Variants in CDH18 observed in about 807,000 individuals in gnomAD.
CDH18 encodes cadherin 18.
In CDH18, 31 loss-of-function variants were observed where a neutral mutation model predicts 67.9. The ratio of observed to expected loss-of-function variants is 0.46; its 90% CI spans 0.34 to 0.62. The LOEUF (loss-of-function observed/expected upper bound fraction) is 0.62, where lower values mean the gene tolerates loss of function less well. Ranked by LOEUF, CDH18 falls within the 20% of genes least tolerant of loss-of-function variation. The pLI is 0.01. For synonymous variants in CDH18, 362 were observed against 347.2 expected (o/e 1.04, Z -0.48); for missense variants, 890 against 975.5 (o/e 0.91, Z 1.17).
rs187966500 is a variant in CDH18, at chr5:19,506,280, C to T, written c.1513-3171G>A. Among the ~76,000 whole-genome samples the T allele has an allele frequency of 8.9e-3, 1,357 of 152,200 alleles. 18 individuals are homozygous for T. The highest frequency in any genetic ancestry group is 0.031 in the African/African-American group (1,273 of 41,538). ...AATAGGATACAAACAAATGGAAGAA[C>T]ATTCCATGCTCATGGGTAGGAAGAA... On this transcript the variant is annotated intron_variant, in intron 10 of 12. Transcript: ENST00000382275.
At chr5:19,877,323 T>C (rs908609208) in intron 2 of CDH18, among the ~76,000 whole-genome samples, 1 of 152,206 alleles carries the variant, frequency 6.6e-6, no homozygotes, top group Non-Finnish European at 1.5e-5. Flanking sequence ...AACTGTACTT[T>C]ACAGTATGCT....
intron 1 of CDH18, among the ~76,000 whole-genome samples, chr5:20,272,272 T>C (rs916859063): frequency 6.6e-6 from 1 of 152,024 alleles, no homozygotes; most frequent in Non-Finnish European, 1.5e-5. Flanking sequence ...GTAATTGTAA[T>C]GAGAGCAGTA....
chr5:19,704,290 T>G (rs1763658935), intron 5 of CDH18, among the ~76,000 whole-genome samples: 1 of 152,222 alleles, frequency 6.6e-6, no homozygotes, highest in Non-Finnish European at 1.5e-5. Flanking sequence ...CTGCTCATTT[T>G]AACATAGTTG....
At chr5:19,547,391 C>A (rs1161185355) in intron 8 of CDH18, among the ~76,000 whole-genome samples, 1 of 152,146 alleles carries the variant, frequency 6.6e-6, no homozygotes, top group Non-Finnish European at 1.5e-5. Flanking sequence ...AAGTTGCCTG[C>A]AGCAACTATC....
chr5:19,870,429 A>G (rs908638145), intron 2 of CDH18, among the ~76,000 whole-genome samples: 1 of 152,114 alleles, frequency 6.6e-6, no homozygotes, highest in African/African-American at 2.4e-5. Context: ...TTTCACCATT[A>G]TATATTTTTA....
chr5:19,791,571 G>C (rs1776365623), intron 3 of CDH18, among the ~76,000 whole-genome samples: 1 of 152,096 alleles, frequency 6.6e-6, no homozygotes, highest in South Asian at 2.1e-4. Context: ...GGATGAACTA[G>C]TCACTCATGC....
At chr5:20,316,455 TA>T (rs1737472280) in intron 1 of CDH18, among the ~76,000 whole-genome samples, 1 of 152,090 alleles carries the variant, frequency 6.6e-6, no homozygotes, top group Non-Finnish European at 1.5e-5. Context: ...ATGATCTTCT[TA>T]AAAATATAAA....
At chr5:20,126,812 A>G (rs1236350391) in intron 2 of CDH18, among the ~76,000 whole-genome samples, 1 of 152,204 alleles carries the variant, frequency 6.6e-6, no homozygotes, top group African/African-American at 2.4e-5. Context: ...ACTAAAAAAA[A>G]CAAGGCTTGC....
chr5:19,747,835 A>G (rs941069170), intron 3 of CDH18, among the ~76,000 whole-genome samples: 6 of 151,874 alleles, frequency 4.0e-5, no homozygotes, highest in East Asian at 1.9e-4. Flanking sequence ...TTGGCCAGGC[A>G]CGGTGGTTCA....
Position 19,710,471 on chromosome 5 carries a change from G to A in CDH18, c.643+10876C>T, listed in dbSNP as rs192698901. 2.6e-3 allele frequency among the ~76,000 whole-genome samples: 398 copies of A among 152,006 alleles called. 1 individual carries two copies. The highest frequency in any genetic ancestry group is 0.017 in the Middle Eastern group (5 of 294). ...TGTACATGTAAAACATGTTGTTTTC[G>A]TTTCTCAGAAATAATTTACTTTGTA... On this transcript the variant is annotated intron_variant, in intron 5 of 12. Transcript: ENST00000382275.
At chr5:19,984,290 G>A (rs938410878) in intron 1 of CDH18, among the ~76,000 whole-genome samples, 6 of 151,708 alleles carry the variant, frequency 4.0e-5, no homozygotes, top group African/African-American at 1.5e-4. Flanking sequence ...TATACATCAA[G>A]CATTAATAAT....
At chr5:20,203,474 C>A (rs1028286298) in intron 2 of CDH18, among the ~76,000 whole-genome samples, 4 of 151,996 alleles carry the variant, frequency 2.6e-5, no homozygotes, top group African/African-American at 9.7e-5. Flanking sequence ...TGGGACTTCC[C>A]ATGAAATGGG....
intron 2 of CDH18, among the ~76,000 whole-genome samples, chr5:20,064,608 A>G (rs943031722): frequency 1.3e-5 from 2 of 152,074 alleles, no homozygotes; most frequent in African/African-American, 4.8e-5. Flanking sequence ...CTTTTCAGAT[A>G]CCTATAGGTG....
chr5:19,589,791 C>A (rs997372382), intron 7 of CDH18, among the ~76,000 whole-genome samples: 2 of 152,060 alleles, frequency 1.3e-5, no homozygotes, highest in Admixed American at 1.3e-4. Flanking sequence ...TATTTTGATC[C>A]CTTAAATGTG....
At chr5:19,705,156 A>T (rs2150499835) in intron 5 of CDH18, among the ~76,000 whole-genome samples, 1 of 152,290 alleles carries the variant, frequency 6.6e-6, no homozygotes, top group Non-Finnish European at 1.5e-5. Flanking sequence ...TATTACGTGG[A>T]TGATATACTT....
Position 19,710,629 on chromosome 5 carries a change from G to A in CDH18, c.643+10718C>T, listed in dbSNP as rs142722386. ...CTAGAATATTACAAAATTGATAGAA[G>A]TAGCAAAATAAAAACTGTTTACAGA... On this transcript the variant is annotated intron_variant, in intron 5 of 12. Transcript: ENST00000382275. Among the ~76,000 whole-genome samples the A allele has an allele frequency of 1.3e-3, 195 of 152,104 alleles. 1 individual carries two copies. The highest frequency in any genetic ancestry group is 4.5e-3 in the African/African-American group (189 of 41,552).
chr5:20,056,981 G>A (rs1418992927), intron 2 of CDH18, among the ~76,000 whole-genome samples: 1 of 151,858 alleles, frequency 6.6e-6, no homozygotes, highest in South Asian at 2.1e-4. Context: ...CACCACGCCC[G>A]GCCGAGTTCT....
At chr5:20,478,734 A>T (rs1457711522) in intron 1 of CDH18, among the ~76,000 whole-genome samples, 1 of 152,170 alleles carries the variant, frequency 6.6e-6, no homozygotes, top group Non-Finnish European at 1.5e-5. Flanking sequence ...TACTGACTGA[A>T]GAGCCCTTGG....
At chr5:19,601,261 C>A (rs1747082073) in intron 6 of CDH18, among the ~76,000 whole-genome samples, 1 of 152,002 alleles carries the variant, frequency 6.6e-6, no homozygotes, top group Non-Finnish European at 1.5e-5. Context: ...TAATTACAAT[C>A]AGAAATAAAG....
Sources: allele counts gnomAD v4.1 joint callset (sites outside exome capture counted in the v4.1 genomes callset), GRCh38; gene constraint gnomAD v4.1.1; transcripts MANE v1.5; gene names NCBI Gene and HGNC (gene_info 2026-07-23, HGNC 2026-07-21).